CLEC4F: variants seen among roughly 807,000 people sequenced by gnomAD.
CLEC4F encodes the protein C-type lectin domain family 4 member F, also known as C-type (calcium dependent, carbohydrate-recognition domain) lectin, superfamily member 13.
In CLEC4F, 45 loss-of-function variants were observed where a neutral mutation model predicts 53.4. The observed-to-expected ratio is 0.84, with a 90% CI of 0.66 to 1.08. CLEC4F has a LOEUF of 1.08. CLEC4F is among the 50% of genes least tolerant of loss of function. The pLI, the probability that CLEC4F is intolerant of heterozygous loss-of-function variation, is 0.00. For missense variants in CLEC4F, 753 were observed against 698.2 expected (o/e 1.08, Z -0.88); for synonymous variants, 245 against 257.5 (o/e 0.95, Z 0.46).
intron 4 of CLEC4F, 74 bp from the exon 5 acceptor site, chr2:70,812,672 C>T (rs1676633825): frequency 1.4e-6 from 2 of 1,478,078 alleles, no homozygotes; most frequent in Non-Finnish European, 1.9e-6. Context: ...TTTCTGACCT[C>T]TCTAGGGCCT....
Position 70,819,807 on chromosome 2 carries a change from A to G in CLEC4F, c.146T>C (p.Leu49Ser), listed in dbSNP as rs781994107. The change falls in exon 2 of 7, where the codon TTG becomes TCG. Residue 49 changes from leucine to serine, a missense_variant. Physicochemically the swap from Leu to Ser is moderately radical, Grantham distance 145. Transcript: ENST00000272367. ...AAAGAGAGTCACAAGAGAGAAGACC[A>G]AGGTCACAGCCATAAATGCCGGGGT... ...QATPAFMAVT[L>S]VFSLVTLFVV... The G allele has an allele frequency of 1.1e-5, 18 of 1,606,372 alleles. No individual in the cohort carries two copies. The highest frequency in any genetic ancestry group is 1.5e-5 in the Non-Finnish European group (18 of 1,176,724).
chr2:70,810,643 T>TAAAAAAAA (rs1676503122), intron 5 of CLEC4F, among the ~76,000 whole-genome samples: 16 of 98,714 alleles, frequency 1.6e-4, no homozygotes, highest in African/African-American at 3.8e-4. Flanking sequence ...AAAAAAAAAG[T>TAAAAAAAA]ATTTCCCATT....
Position 70,817,072 on chromosome 2 carries a change from A to G in CLEC4F, c.309T>C (p.Leu103=). ...CCATGTGGCCTTTAAATGTCTGGAT[A>G]AGCTCTCGCATTTCTGCCTCCCTGC... ...HFGREAEMRE[L]IQTFKGHMEN... The change falls in exon 4 of 7, where the codon CTT becomes CTC. Residue 103 remains leucine, a synonymous_variant. Transcript: ENST00000272367. 6.2e-7 allele frequency: 1 copy of G among 1,613,008 alleles called. No individual in the cohort carries two copies. The highest frequency in any genetic ancestry group is 8.5e-7 in the Non-Finnish European group (1 of 1,179,994).
chr2:70,818,830 C>T (rs1677069077), intron 3 of CLEC4F, among the ~76,000 whole-genome samples: 1 of 150,912 alleles, frequency 6.6e-6, no homozygotes, highest in Non-Finnish European at 1.5e-5. Context: ...TAATCCATAA[C>T]AGAAATAAAA....
At chr2:70,810,670 G>A (rs1234907095) in intron 5 of CLEC4F, 4 of 173,570 alleles carry the variant, frequency 2.3e-5, no homozygotes, top group African/African-American at 8.0e-5. Flanking sequence ...GGCAAACACA[G>A]GATACAAAAA....
At chr2:70,811,268 C>G (rs546048640) in intron 5 of CLEC4F, 2 of 997,230 alleles carry the variant, frequency 2.0e-6, no homozygotes, top group African/African-American at 3.2e-5. Flanking sequence ...TGTCATACTT[C>G]CATACACCTT....
rs1553393434 is a variant in CLEC4F at position 70,809,167 on chromosome 2, C to G, written c.*104G>C. On this transcript the variant is annotated 3_prime_UTR_variant, in exon 7 of 7. Coordinates refer to ENST00000272367, the MANE Select transcript of CLEC4F (RefSeq NM_173535.3). ...CCTAGGGAGCTGACATGGGATGAGT[C>G]TAGGGAGCTGACTTGAGATGGGTCC... is the stretch of plus-strand genomic sequence containing the variant. 2 of 1,555,876 alleles carry G rather than the reference C, an allele frequency of 1.3e-6. No homozygotes were observed. The highest frequency in any genetic ancestry group is 2.4e-5 in the South Asian group (2 of 84,434).
chr2:70,813,918 A>G (rs536334971), intron 4 of CLEC4F, among the ~76,000 whole-genome samples: 1 of 152,212 alleles, frequency 6.6e-6, no homozygotes, highest in South Asian at 2.1e-4. Flanking sequence ...ATCTCAGGTG[A>G]TCTGCCTGCC....
intron 5 of CLEC4F, chr2:70,810,696 G>T (rs1403679125): frequency 4.9e-6 from 1 of 204,554 alleles, no homozygotes; most frequent in Non-Finnish European, 1.0e-5. Context: ...ACTAAACAAA[G>T]AAGCTATAAT....
chr2:70,813,606 T>TCTTTCTTTCTTTCTTTCTTTCTTTCTTC (rs1676716484), intron 4 of CLEC4F, among the ~76,000 whole-genome samples: 5 of 134,652 alleles, frequency 3.7e-5, no homozygotes, highest in South Asian at 2.3e-4. Flanking sequence ...TCTCTTTCTT[T>TCTTTCTTTCTTTCTTTCTTTCTTTCTTC]CTTTCTTTCT....
chr2:70,825,169 A>G (rs144527833), upstream of CLEC4F, among the ~76,000 whole-genome samples: 62 of 152,304 alleles, frequency 4.1e-4, no homozygotes, highest in East Asian at 8.1e-3. Flanking sequence ...AACACCAGAC[A>G]AATTCCATTT....
At chr2:70,811,260 T>G (rs1574365849) in intron 5 of CLEC4F, 13 of 979,626 alleles carry the variant, frequency 1.3e-5, no homozygotes, top group South Asian at 8.9e-5. Context: ...GTCTTAAATG[T>G]CATACTTCCA....
In CLEC4F at chr2:70,816,926, A is replaced by T; in HGVS notation, c.455T>A (p.Val152Glu). The change falls in exon 4 of 7, where the codon GTA becomes GAA. Residue 152 changes from valine (V) to glutamate (E), a missense_variant. Physicochemically the swap from Val to Glu is moderately radical, Grantham distance 121. Transcript: ENST00000272367. ...LGNTNADIQM[V>E]KGVLKDATTL... is the part of the protein sequence containing the mutation. The stretch of plus-strand genomic sequence containing the variant: ...AGTGGCATCCTTTAGAACTCCTTTT[A>T]CCATCTGGATGTCAGCATTGGTGTT... 1 of 1,614,094 alleles carries T rather than the reference A, an allele frequency of 6.2e-7. No individual in the cohort carries two copies. Among genetic ancestry groups the T allele is most frequent in the African/African-American group, 1.3e-5 (1 of 75,010 alleles).
At chr2:70,815,928 G>A in intron 4 of CLEC4F, 66 bp downstream of exon 4, 1 of 1,489,356 alleles carries the variant, frequency 6.7e-7, no homozygotes, top group Non-Finnish European at 9.0e-7. Flanking sequence ...AGGCTGATGA[G>A]ATGGAAGACT....
chr2:70,817,755 C>T (rs1296729903), intron 3 of CLEC4F, among the ~76,000 whole-genome samples: 5 of 152,174 alleles, frequency 3.3e-5, no homozygotes. Context: ...AGAGGCATGC[C>T]ATGCCCTCCA....
In CLEC4F at chr2:70,808,891, T is replaced by C. The variant is rs1238175887; in HGVS notation, c.*380A>G. On this transcript the variant is annotated 3_prime_UTR_variant, in exon 7 of 7. Transcript: ENST00000272367. ...AAGGCATCGAGGAGGAGGGTCAGTA[T>C]TGGCAAGCAGGAGCAGCCCCTCAGC... is the stretch of plus-strand genomic sequence containing the variant. 4 of 609,074 alleles carry C rather than the reference T, an allele frequency of 6.6e-6. No individual in the cohort carries two copies. The highest frequency in any genetic ancestry group is 3.9e-5 in the South Asian group (2 of 50,900). The allele number at this position is 609,074 out of a possible 1,614,324, so 37.7% of individuals were successfully genotyped here.
At chr2:70,812,705 A>G (rs1181345538) in intron 4 of CLEC4F, 107 bp from the exon 5 acceptor site, 3 of 1,177,374 alleles carry the variant, frequency 2.5e-6, no homozygotes, top group Non-Finnish European at 2.4e-6. Flanking sequence ...TCACAAGCCC[A>G]TGAAATTCTT....
chr2:70,808,696 C>A lies in CLEC4F; in HGVS notation c.*575G>T, dbSNP rs1676357077. 4.5e-6 allele frequency: 1 copy of A among 221,756 alleles called. No individual in the cohort carries two copies. Among genetic ancestry groups the A allele is most frequent in the Non-Finnish European group, 9.0e-6 (1 of 110,680 alleles). The allele number at this position is 221,756 out of a possible 1,614,324, so 13.7% of individuals were successfully genotyped here. On this transcript the variant is annotated 3_prime_UTR_variant, in exon 7 of 7. Transcript: ENST00000272367. ...GGACCTGCTGTCTGACAGGCCTGTG[C>A]TGGGTGCTGAGGCTACAGGGGCACA...
chr2:70,809,969 A>G (rs1676461426), intron 5 of CLEC4F, 112 bp from the exon 6 acceptor site: 5 of 715,410 alleles, frequency 7.0e-6, no homozygotes, highest in African/African-American at 5.3e-5. Context: ...CATATCAAAA[A>G]CTGTAAACAG....
Sources: gnomAD v4.1 joint callset for allele counts (sites outside exome capture counted in the v4.1 genomes callset) on GRCh38, gnomAD v4.1.1 for gene constraint, MANE v1.5 for transcripts, NCBI Gene and HGNC (gene_info 2026-07-23, HGNC 2026-07-21) for gene names.